HIPK2: variants seen among roughly 807,000 people sequenced by gnomAD.
HIPK2 encodes the protein homeodomain-interacting protein kinase 2.
In HIPK2, 27 loss-of-function variants were observed where a neutral mutation model predicts 113.7. The observed-to-expected ratio is 0.24, with a 90% CI of 0.17 to 0.33. The LOEUF (loss-of-function observed/expected upper bound fraction) is 0.33. HIPK2 is among the 10% of genes least tolerant of loss of function. The pLI is 1.00. For synonymous variants in HIPK2, 631 were observed against 642.2 expected, an observed-to-expected ratio of 0.98 and a Z score of 0.26; for missense variants, 1,257 against 1,588.0, an observed-to-expected ratio of 0.79 and a Z score of 3.54.
intron 2 of HIPK2, among the ~76,000 whole-genome samples, chr7:139,643,257 G>A (rs943309786): frequency 6.6e-6 from 1 of 152,184 alleles, no homozygotes; most frequent in African/African-American, 2.4e-5. Context: ...CACTTGGACA[G>A]TCTCTTAAAG....
intron 1 of HIPK2, among the ~76,000 whole-genome samples, chr7:139,756,224 A>G (rs941329542): frequency 1.3e-5 from 2 of 152,250 alleles, no homozygotes; most frequent in African/African-American, 2.4e-5. Flanking sequence ...ATAGTGTCCA[A>G]AAGTCTCCTG....
At chr7:139,601,853 T>A (rs974870603) in intron 10 of HIPK2, among the ~76,000 whole-genome samples, 1 of 151,908 alleles carries the variant, frequency 6.6e-6, no homozygotes. Context: ...GGGAAAAGGA[T>A]GAACAGGAAA....
At chr7:139,762,450 G>T (rs2058265) in intron 1 of HIPK2, among the ~76,000 whole-genome samples, 47,938 of 152,058 alleles carry the variant, frequency 0.32, 9,560 homozygotes, top group African/African-American at 0.56. Context: ...GGAAAAGTGA[G>T]ACCAGCAGGA....
At chr7:139,575,503 CG>C (rs1442220698) in intron 13 of HIPK2, among the ~76,000 whole-genome samples, 2 of 152,032 alleles carry the variant, frequency 1.3e-5, no homozygotes, top group Non-Finnish European at 2.9e-5. Flanking sequence ...GGAGGGTGGT[CG>C]GGGCTGCATG....
intron 1 of HIPK2, among the ~76,000 whole-genome samples, chr7:139,729,324 TGAGAGAGAGAGA>T (rs71170912): frequency 0.079 from 5,444 of 69,096 alleles, 281 homozygotes; most frequent in Admixed American, 0.15. Flanking sequence ...ACCCTGTCTC[TGAGAGAGAGAGA>T]GAGAGAGAGA....
At chr7:139,670,766 T>TC (rs1301401821) in intron 2 of HIPK2, among the ~76,000 whole-genome samples, 1 of 129,642 alleles carries the variant, frequency 7.7e-6, no homozygotes, top group Non-Finnish European at 1.6e-5. Context: ...TTTCTTTTTT[T>TC]TTTTTTTTTT....
chr7:139,724,481 A>G (rs879454182), intron 1 of HIPK2, among the ~76,000 whole-genome samples: 2 of 152,196 alleles, frequency 1.3e-5, no homozygotes, highest in Non-Finnish European at 2.9e-5. Context: ...TATATAGTAT[A>G]TTCCACCAGA....
rs1289940236 is a variant in HIPK2, at chr7:139,573,315, G to A, written c.3209C>T (p.Pro1070Leu). 2 of 1,605,420 alleles carry A rather than the reference G, an allele frequency of 1.2e-6. No homozygotes were observed. Among genetic ancestry groups the A allele is most frequent in the Non-Finnish European group, 1.7e-6 (2 of 1,179,826 alleles). ...AYITPTMAQA[P>L]YSFPHNSPSH... ...GGGGCTGTTGTGCGGGAAGGAGTAC[G>A]GAGCCTGGGCCATGGTGGGAGTGAT... Residue 1070 changes from proline to leucine, a missense_variant, in exon 15 of 15, where the codon CCG (proline) becomes CTG (leucine). This residue lies in a region of HIPK2 where 862 missense variants were observed against 1,004.3 expected (regional missense o/e 0.86). Coordinates refer to ENST00000406875, the MANE Select transcript of HIPK2 (RefSeq NM_022740.5).
In HIPK2 at chr7:139,631,231, G is replaced by T. The variant is rs369050455; in HGVS notation, c.1281C>A (p.Ala427=). 6.2e-7 allele frequency: 1 copy of T among 1,613,698 alleles called. No homozygotes were observed. Residue 427 remains alanine (A), a synonymous_variant, in exon 4 of 15, where the codon GCC becomes GCA. Transcript: ENST00000406875. This position sits in a 1 kb window ranked among gnomAD's most constrained non-coding sequence, Gnocchi z 4.9. ...QGLPAEYLLS[A]GTKTTRFFNR... is the part of the protein sequence containing the mutation. ...TGAAAAACCTAGTTGTCTTTGTCCC[G>T]GCGCTTAATAAATATTCAGCAGGCA...
At chr7:139,684,597 C>T (rs955771471) in intron 2 of HIPK2, among the ~76,000 whole-genome samples, 4 of 152,078 alleles carry the variant, frequency 2.6e-5, no homozygotes, top group African/African-American at 9.7e-5. Flanking sequence ...GTGATGTGTA[C>T]CTATAGTCCT....
intron 13 of HIPK2, among the ~76,000 whole-genome samples, chr7:139,577,685 G>C (rs779904168): frequency 1.4e-4 from 21 of 152,186 alleles, no homozygotes; most frequent in Non-Finnish European, 2.8e-4. Flanking sequence ...GAACAGTAGA[G>C]TTAATGGAGA....
chr7:139,620,989 C>T (rs941380718), intron 6 of HIPK2, among the ~76,000 whole-genome samples: 1 of 152,170 alleles, frequency 6.6e-6, no homozygotes, highest in African/African-American at 2.4e-5. Context: ...AAAGACAACC[C>T]TTGTAGTCAC....
At position 139,630,644 on chromosome 7, in the gene HIPK2, C is replaced by A. The variant is rs755575176; in HGVS notation, c.1347+521G>T. 2.0e-5 allele frequency among the ~76,000 whole-genome samples: 3 copies of A among 152,178 alleles called. No individual in the cohort carries two copies. The highest frequency in any genetic ancestry group is 7.2e-5 in the African/African-American group (3 of 41,442). ...AATTCATGACCTCAAGTGATCCACC[C>A]GCCTCAGCCTCCCGAAGTGCTGGGA... is the stretch of plus-strand genomic sequence containing the variant. On this transcript the variant is annotated intron_variant, in intron 4 of 14. Coordinates refer to ENST00000406875, the MANE Select transcript of HIPK2 (RefSeq NM_022740.5). The surrounding 1 kb of genome is among the most constrained non-coding windows in gnomAD (Gnocchi z 4.0).
intron 2 of HIPK2, among the ~76,000 whole-genome samples, chr7:139,659,136 T>C (rs1200715022): frequency 6.6e-6 from 1 of 152,138 alleles, no homozygotes; most frequent in Non-Finnish European, 1.5e-5. Flanking sequence ...GGGAGGGATT[T>C]TTTCACTGAG....
At position 139,620,473 on chromosome 7, in the gene HIPK2, C is replaced by T. The variant is rs764483893; in HGVS notation, c.1710G>A (p.Thr570=). The stretch of plus-strand genomic sequence containing the variant: ...TGGTGGACGTGCTGGGGGCCACGTG[C>T]GTGATGAAAGGGGTTTTGCTCTGGT... ...TVNQSKTPFI[T]HVAPSTSTNL... Residue 570 remains threonine (T), a synonymous_variant, in exon 7 of 15, where the codon ACG becomes ACA. Transcript: ENST00000406875. 21 of 1,613,976 alleles carry T rather than the reference C, an allele frequency of 1.3e-5. No individual in the cohort carries two copies. Among genetic ancestry groups the T allele is most frequent in the Non-Finnish European group, 1.7e-5 (20 of 1,179,972 alleles).
chr7:139,689,992 G>A (rs1438420018), intron 2 of HIPK2, among the ~76,000 whole-genome samples: 1 of 150,738 alleles, frequency 6.6e-6, no homozygotes, highest in Non-Finnish European at 1.5e-5. Context: ...GGGCACCTCG[G>A]TGTGCACAGG....
chr7:139,575,163 G>T lies in HIPK2; in HGVS notation c.3091C>A (p.His1031Asn). Residue 1031 changes from histidine (H) to asparagine (N), a missense_variant, in exon 14 of 15, where the codon CAC becomes AAC. This residue lies in a region of HIPK2 where 862 missense variants were observed against 1,004.3 expected (regional missense o/e 0.86). Transcript: ENST00000406875. ...ITYRQQRPGP[H>N]FQQQQPLNLS... ...TTGAGTGGCTGCTGCTGCTGGAAGT[G>T]GGGGCCCGGCCGCTGCTGCCGGTAG... 1 of 1,594,644 alleles carries T rather than the reference G, an allele frequency of 6.3e-7. No homozygotes were observed. The highest frequency in any genetic ancestry group is 8.5e-7 in the Non-Finnish European group (1 of 1,171,248).
intron 1 of HIPK2, among the ~76,000 whole-genome samples, chr7:139,746,684 T>C (rs1448213730): frequency 6.6e-6 from 1 of 152,192 alleles, no homozygotes; most frequent in Non-Finnish European, 1.5e-5. Context: ...TTTATCTTCC[T>C]AACCTCTACT....
chr7:139,665,190 A>T (rs1293396521), intron 2 of HIPK2, among the ~76,000 whole-genome samples: 1 of 152,060 alleles, frequency 6.6e-6, no homozygotes, highest in Non-Finnish European at 1.5e-5. Flanking sequence ...GTTGCATGCC[A>T]CTATGCCAGG....
Sources: allele counts gnomAD v4.1 joint callset (sites outside exome capture counted in the v4.1 genomes callset), GRCh38; gene constraint gnomAD v4.1.1; regional missense constraint gnomAD v4.1.1; non-coding constraint Gnocchi (gnomAD v3.1); transcripts MANE v1.5; gene names NCBI Gene and HGNC (gene_info 2026-07-23, HGNC 2026-07-21).